Variants in MDGA1 observed in about 807,000 individuals in gnomAD.
MDGA1 encodes the protein MAM domain containing glycosylphosphatidylinositol anchor 1.
In MDGA1, 54 loss-of-function variants were observed where a neutral mutation model predicts 101.5. The observed-to-expected ratio is 0.53, with a 90% CI of 0.43 to 0.67. MDGA1 has a LOEUF of 0.67. Among genes scored for constraint, MDGA1 ranks in the 30% least tolerant of loss-of-function variants. The probability of loss-of-function intolerance (pLI) is 0.00; values close to 1 mark genes in which losing one functional copy is unlikely to be tolerated. For missense variants in MDGA1, 1,083 were observed against 1,323.8 expected (o/e 0.82, Z 2.82); for synonymous variants, 533 against 558.3 (o/e 0.95, Z 0.64).
chr6:37,678,169 C>G (rs762641075), intron 1 of MDGA1, among the ~76,000 whole-genome samples: 1 of 152,128 alleles, frequency 6.6e-6, no homozygotes, highest in Admixed American at 6.5e-5. Context: ...TTGGGAGCCA[C>G]TCCTCACCCC....
intron 7 of MDGA1, among the ~76,000 whole-genome samples, chr6:37,650,886 A>C (rs1761344968): frequency 6.6e-6 from 1 of 152,248 alleles, no homozygotes; most frequent in Non-Finnish European, 1.5e-5. Context: ...AAAAAAGAGT[A>C]CATCTCCCAG....
At chr6:37,654,156 T>TG (rs1199548723) in intron 6 of MDGA1, 118 bp downstream of exon 6, 2 of 1,194,200 alleles carry the variant, frequency 1.7e-6, no homozygotes, top group African/African-American at 3.1e-5. Flanking sequence ...ATCCTCTGCA[T>TG]GACTCATCTA....
chr6:37,648,763 G>A lies in MDGA1; in HGVS notation c.1894+219C>T, dbSNP rs976775672. The A allele has an allele frequency of 2.4e-5, 20 of 824,976 alleles. No individual in the cohort carries two copies. In the African/African-American group the frequency reaches 3.7e-4, roughly 15 times the overall value. The allele number at this position is 824,976 out of a possible 1,614,324, so 51.1% of individuals were successfully genotyped here. ...GGAGGGGCGTGGCCCGCACCTGGAG[G>A]GCGGGGCTGGGAGGCCCAGGTTGGG... On this transcript the variant is annotated intron_variant, in intron 9 of 16. Transcript: ENST00000434837.
In MDGA1 at chr6:37,643,298, G is replaced by GT. The variant is rs1246157788; in HGVS notation, c.2536+510dup. 11 of 151,208 alleles carry GT rather than the reference G, an allele frequency of 7.3e-5. No homozygotes were observed. In the East Asian group the frequency reaches 1.9e-3, roughly 27 times the overall value. The allele number at this position is 151,208 out of a possible 1,614,324, so 9.4% of individuals were successfully genotyped here. A position where few individuals can be genotyped will look rare whatever the true frequency, so the allele number is the denominator to read the frequency against. On this transcript the variant is annotated intron_variant, in intron 14 of 16. Transcript: ENST00000434837. ...TTTCCTTTTTTTTTTTTGAAATGGA[G>GT]TTTTGCTCTTGCTGCCCAGGATGGA...
At chr6:37,665,986 C>T (rs376799518) in intron 1 of MDGA1, among the ~76,000 whole-genome samples, 1 of 152,108 alleles carries the variant, frequency 6.6e-6, no homozygotes, top group East Asian at 1.9e-4. Context: ...TGCTTTCAGT[C>T]TCTGCCAGAG....
chr6:37,696,972 C>G lies in MDGA1; in HGVS notation c.-161G>C. 1.6e-6 allele frequency: 1 copy of G among 618,232 alleles called. No individual in the cohort carries two copies. The allele number at this position is 618,232 out of a possible 1,614,324, so 38.3% of individuals were successfully genotyped here. On this transcript the variant is annotated 5_prime_UTR_variant, in exon 1 of 17. Transcript: ENST00000434837. This position sits in a 1 kb window ranked among gnomAD's most constrained non-coding sequence, Gnocchi z 5.6. The stretch of plus-strand genomic sequence containing the variant: ...CAGGAGACTGAAGAGGCGGAGGTGG[C>G]GGCGACCCGTGTTTCTCCTCCGGCG...
Position 37,638,617 on chromosome 6 carries a change from G to C in MDGA1, c.2587C>G (p.His863Asp), listed in dbSNP as rs1437538613. ...TTATTGCCACTGAGAGACCAGGCGT[G>C]CGTGTCCAGAGCCCCTTTGTTCCGG... ...RSRNKGALDT[H>D]AWSLSGNKGN... The change falls in exon 15 of 17, where the codon CAC becomes GAC. Residue 863 changes from histidine (H) to aspartate (D), a missense_variant. By Grantham distance (81) the His-to-Asp change is moderately conservative. Transcript: ENST00000434837. The surrounding 1 kb of genome is among the most constrained non-coding windows in gnomAD (Gnocchi z 4.8). 2.5e-6 allele frequency: 4 copies of C among 1,613,830 alleles called. No individual in the cohort carries two copies. In the African/African-American group the frequency reaches 5.3e-5, roughly 22 times the overall value.
chr6:37,649,442 C>A (rs1222418555), intron 8 of MDGA1, among the ~76,000 whole-genome samples, 176 bp from the exon 9 acceptor site: 3 of 152,356 alleles, frequency 2.0e-5, no homozygotes, highest in African/African-American at 7.2e-5. Flanking sequence ...TACCTCCCAA[C>A]CTGCAGATAC....
intron 1 of MDGA1, among the ~76,000 whole-genome samples, chr6:37,670,816 C>T (rs1008705100): frequency 6.6e-6 from 1 of 152,180 alleles, no homozygotes; most frequent in Non-Finnish European, 1.5e-5. Flanking sequence ...ATATTTAGCT[C>T]CATTGGCAGA....
rs1761460921 is a variant in MDGA1 at position 37,655,404 on chromosome 6, T to G, written c.579+296A>C. The G allele has an allele frequency of 8.3e-6, 3 of 362,418 alleles. 1 individual carries two copies. The highest frequency in any genetic ancestry group is 8.8e-5 in the South Asian group (2 of 22,802). 22.5% of individuals were successfully genotyped at this position (362,418 alleles called of 1,614,324 possible). On this transcript the variant is annotated intron_variant, in intron 4 of 16. Coordinates refer to ENST00000434837, the MANE Select transcript of MDGA1 (RefSeq NM_153487.4). The surrounding 1 kb of genome is among the most constrained non-coding windows in gnomAD (Gnocchi z 5.1). Reference sequence around the variant, plus strand: ...GCCTGGCCACAGGTTCCCAATACTCTGCCACCCAGCAGCAGACTGGGATGA... The same window carrying G: ...GCCTGGCCACAGGTTCCCAATACTCGGCCACCCAGCAGCAGACTGGGATGA...
In MDGA1 at chr6:37,631,466, T is replaced by A. The variant is rs2113984459; in HGVS notation, c.*5902A>T. ...GGTGGTAGGGAGAGGGAGCCCTTGG[T>A]CTTGTAATCTGAGCTTCAGTTTCCC... On this transcript the variant is annotated 3_prime_UTR_variant, in exon 17 of 17. Coordinates refer to ENST00000434837, the MANE Select transcript of MDGA1 (RefSeq NM_153487.4). 6.6e-6 allele frequency: 1 copy of A among 152,274 alleles called. No individual in the cohort carries two copies. The highest frequency in any genetic ancestry group is 2.1e-4 in the South Asian group (1 of 4,820). The allele number at this position is 152,274 out of a possible 1,614,324, so 9.4% of individuals were successfully genotyped here.
chr6:37,642,293 A>G (rs1581843485), intron 14 of MDGA1, among the ~76,000 whole-genome samples: 1 of 148,172 alleles, frequency 6.7e-6, no homozygotes, highest in Non-Finnish European at 1.5e-5. Flanking sequence ...AATTCTCCCT[A>G]CCTCAGCCTC....
At chr6:37,672,015 C>A in intron 1 of MDGA1, among the ~76,000 whole-genome samples, 1 of 151,716 alleles carries the variant, frequency 6.6e-6, no homozygotes. Context: ...GTGGTGCACA[C>A]CTGTGTTCCC....
intron 10 of MDGA1, among the ~76,000 whole-genome samples, chr6:37,646,832 C>T (rs2114011231): frequency 6.6e-6 from 1 of 152,190 alleles, no homozygotes; most frequent in South Asian, 2.1e-4. Flanking sequence ...TGAGACTTAC[C>T]CTCCCCTCTC....
intron 12 of MDGA1, 145 bp downstream of exon 12, chr6:37,645,788 G>T (rs1761178851): frequency 3.1e-6 from 3 of 954,424 alleles, no homozygotes; most frequent in South Asian, 1.5e-5. Flanking sequence ...TCTCCTTCTA[G>T]CCTCTGGCCC....
chr6:37,689,472 C>T (rs1762264616), intron 1 of MDGA1, among the ~76,000 whole-genome samples: 1 of 152,218 alleles, frequency 6.6e-6, no homozygotes, highest in South Asian at 2.1e-4. Context: ...GGCCTTGCTA[C>T]GTGCCAGGCA....
chr6:37,683,997 A>G (rs751235486), intron 1 of MDGA1, among the ~76,000 whole-genome samples: 10 of 152,172 alleles, frequency 6.6e-5, no homozygotes, highest in Non-Finnish European at 1.0e-4. Flanking sequence ...CTACACACAT[A>G]TCAAATACCC....
intron 12 of MDGA1, 133 bp downstream of exon 12, chr6:37,645,800 A>ACC: frequency 9.5e-7 from 1 of 1,052,968 alleles, no homozygotes; most frequent in Non-Finnish European, 1.4e-6. Flanking sequence ...CTCTGGCCCT[A>ACC]CCCCATGGAA....
intron 1 of MDGA1, among the ~76,000 whole-genome samples, chr6:37,689,507 C>A (rs1439819699): frequency 6.6e-6 from 1 of 152,214 alleles, no homozygotes; most frequent in Non-Finnish European, 1.5e-5. Context: ...TCCTAAGCAC[C>A]GTCTCATCAC....
Sources: allele counts gnomAD v4.1 joint callset (sites outside exome capture counted in the v4.1 genomes callset), GRCh38; gene constraint gnomAD v4.1.1; non-coding constraint Gnocchi (gnomAD v3.1); transcripts MANE v1.5; gene names NCBI Gene and HGNC (gene_info 2026-07-23, HGNC 2026-07-21).